ZNF829: variants seen among roughly 807,000 people sequenced by gnomAD.
The protein encoded by ZNF829 is zinc finger protein 829.
Under a neutral mutation model 35.2 loss-of-function variants are expected in ZNF829, and 25 were observed. The ratio of observed to expected loss-of-function variants is 0.71; its 90% confidence interval spans 0.52 to 0.99. ZNF829 has a LOEUF of 0.99. ZNF829 is among the 50% of genes least tolerant of loss of function. The probability of loss-of-function intolerance (pLI) is 0.00; values close to 1 mark genes in which losing one functional copy is unlikely to be tolerated. For missense variants in ZNF829, 417 were observed against 515.3 expected (o/e 0.81, Z 1.85); for synonymous variants, 136 against 163.2 (o/e 0.83, Z 1.27).
intron 5 of ZNF829, among the ~76,000 whole-genome samples, chr19:36,904,550 C>A (rs112772495): frequency 0.014 from 2,088 of 152,234 alleles, 15 homozygotes; most frequent in African/African-American, 0.025. Flanking sequence ...CGGGCGCCTG[C>A]CACTATGCCC....
At chr19:36,911,056 G>T (rs563972421) in intron 3 of ZNF829, among the ~76,000 whole-genome samples, 1 of 152,184 alleles carries the variant, frequency 6.6e-6, no homozygotes, top group Non-Finnish European at 1.5e-5. Flanking sequence ...ATCATCATAA[G>T]TATAGTGCTT....
Position 36,907,914 on chromosome 19 carries a change from T to A in ZNF829, c.319+15A>T. On this transcript the variant is annotated intron_variant, in intron 5 of 5. Transcript: ENST00000391711. ...TCTTTATAGCCCTGCTCCTGAGCCA[T>A]CATCTCTTACTTACCTGAACACAGG... The A allele has an allele frequency of 6.2e-7, 1 of 1,607,888 alleles. No individual in the cohort carries two copies. The highest frequency in any genetic ancestry group is 8.5e-7 in the Non-Finnish European group (1 of 1,174,768).
At position 36,891,411 on chromosome 19, in the gene ZNF829, TA is replaced by T. The variant is rs1405474297; in HGVS notation, c.*80del. 10 of 1,369,010 alleles carry T rather than the reference TA, an allele frequency of 7.3e-6. No homozygotes were observed. The highest frequency in any genetic ancestry group is 9.8e-6 in the Non-Finnish European group (10 of 1,023,510). 84.8% of individuals were successfully genotyped at this position (1,369,010 alleles called of 1,614,324 possible). A position where few individuals can be genotyped will look rare whatever the true frequency, so the allele number is the denominator to read the frequency against. On this transcript the variant is annotated 3_prime_UTR_variant, in exon 6 of 6. Coordinates refer to ENST00000391711, the MANE Select transcript of ZNF829 (RefSeq NM_001037232.4). ...GAATACATAGGAGAACCTTTGATAATATGTATCCTAATTTGTTCTCCTTACC... is the reference window on the plus strand; with the variant it reads ...GAATACATAGGAGAACCTTTGATAATTGTATCCTAATTTGTTCTCCTTACC...
At chr19:36,907,817 G>T (rs80172076) in intron 5 of ZNF829, 112 bp downstream of exon 5, 2 of 782,404 alleles carry the variant, frequency 2.6e-6, no homozygotes, top group Non-Finnish European at 4.0e-6. Context: ...AAAAAAAAAA[G>T]TGGGATAGCT....
chr19:36,892,885 C>A, intron 5 of ZNF829: 1 of 1,162,614 alleles, frequency 8.6e-7, no homozygotes, highest in Non-Finnish European at 1.1e-6. Context: ...GGAGCTCCGA[C>A]TGCAAGGCCA....
rs376999920 is a variant in ZNF829, at chr19:36,902,644, C to CAAAATAAAATAAAATAAAATAAAAT, written c.319+5260_319+5284dup. ...TGGGCAACAGAGCCAGACTCTGTCT[C>CAAAATAAAATAAAATAAAATAAAAT]AAAATAAAATAAAATAAAATAAAAT... On this transcript the variant is annotated intron_variant, in intron 5 of 5. Coordinates refer to ENST00000391711, the MANE Select transcript of ZNF829 (RefSeq NM_001037232.4). Among the ~76,000 whole-genome samples the CAAAATAAAATAAAATAAAATAAAAT allele has an allele frequency of 2.4e-3, 350 of 147,490 alleles. 2 individuals carry two copies. Among genetic ancestry groups the CAAAATAAAATAAAATAAAATAAAAT allele is most frequent in the African/African-American group, 8.1e-3 (316 of 38,972 alleles).
intron 5 of ZNF829, among the ~76,000 whole-genome samples, chr19:36,896,266 G>A (rs1200847685): frequency 1.3e-5 from 2 of 149,606 alleles, no homozygotes; most frequent in East Asian, 2.0e-4. Flanking sequence ...AGCCGGGTTC[G>A]CACCACTGCA....
At chr19:36,904,931 A>T (rs1052261060) in intron 5 of ZNF829, among the ~76,000 whole-genome samples, 3 of 152,164 alleles carry the variant, frequency 2.0e-5, no homozygotes, top group African/African-American at 7.2e-5. Context: ...GGCAGCTAAG[A>T]TCAACTGATA....
At chr19:36,895,921 CTT>C (rs2073107547) in intron 5 of ZNF829, among the ~76,000 whole-genome samples, 1 of 152,110 alleles carries the variant, frequency 6.6e-6, no homozygotes, top group Non-Finnish European at 1.5e-5. Context: ...AATCCCAACA[CTT>C]TGGGAGGCCA....
At chr19:36,892,528 T>C (rs1452455895) in intron 5 of ZNF829, 57 bp from the exon 6 acceptor site, 2 of 1,476,230 alleles carry the variant, frequency 1.4e-6, no homozygotes, top group African/African-American at 2.8e-5. Flanking sequence ...TTAAAACTTC[T>C]AAAAAAGAAA....
intron 5 of ZNF829, chr19:36,892,796 A>ATTT: frequency 3.5e-6 from 2 of 567,830 alleles, no homozygotes; most frequent in African/African-American, 3.9e-5. Context: ...AAAAAAAAAA[A>ATTT]TTTTTTTTGC....
Position 36,899,443 on chromosome 19 carries a change from A to G in ZNF829, c.320-6972T>C, listed in dbSNP as rs942068506. Among the ~76,000 whole-genome samples, 9 of 152,152 alleles carry G rather than the reference A, an allele frequency of 5.9e-5. No individual in the cohort carries two copies. The East Asian group carries it at 1.7e-3, about 29-fold the overall frequency. ...CTGGCTGACAGTGAAACTCTCTCAC[A>G]TACACAAAAAATGACACTGGGTACA... On this transcript the variant is annotated intron_variant, in intron 5 of 5. Transcript: ENST00000391711.
rs756736847 is a variant in ZNF829, at chr19:36,891,518, G to A, written c.1273C>T (p.Arg425Cys). 23 of 1,573,388 alleles carry A rather than the reference G, an allele frequency of 1.5e-5. No homozygotes were observed. The highest frequency in any genetic ancestry group is 1.9e-5 in the Non-Finnish European group (22 of 1,163,834). The change falls in exon 6 of 6, where the codon CGC (arginine) becomes TGC (cysteine). Residue 425 changes from arginine to cysteine, a missense_variant. Arg to Cys is a radical substitution (Grantham distance 180). Coordinates refer to ENST00000391711, the MANE Select transcript of ZNF829 (RefSeq NM_001037232.4). ...KAFGSRSDLI[R>C]HEGIHTG is the part of the protein sequence containing the mutation. Reference sequence around the variant, plus strand: ...CAACCAGTATGAATTCCCTCATGGCGAATGAGGTCAGAGCGACTACCAAAA... The same window carrying A: ...CAACCAGTATGAATTCCCTCATGGCAAATGAGGTCAGAGCGACTACCAAAA...
At chr19:36,900,357 TAAA>T (rs112232974) in intron 5 of ZNF829, among the ~76,000 whole-genome samples, 1,896 of 132,384 alleles carry the variant, frequency 0.014, 40 homozygotes, top group African/African-American at 0.049. Context: ...GACTCTGTCT[TAAA>T]AAAAAAAAAA....
intron 5 of ZNF829, among the ~76,000 whole-genome samples, chr19:36,900,847 G>GAAAAAAAAA (rs59848712): frequency 5.6e-5 from 5 of 88,938 alleles, no homozygotes; most frequent in Admixed American, 1.3e-4. Flanking sequence ...GACTGTCTCA[G>GAAAAAAAAA]AAAAAAAAAA....
intron 5 of ZNF829, among the ~76,000 whole-genome samples, chr19:36,904,502 C>T (rs1430511565): frequency 2.6e-5 from 4 of 152,078 alleles, no homozygotes; most frequent in East Asian, 1.9e-4. Flanking sequence ...TGGGTTCAAG[C>T]GATTCTCCTG....
intron 5 of ZNF829, among the ~76,000 whole-genome samples, chr19:36,903,666 G>A (rs1212349389): frequency 1.3e-5 from 2 of 152,106 alleles, no homozygotes; most frequent in African/African-American, 2.4e-5. Flanking sequence ...CAAGGTGGGT[G>A]GAACACCTGA....
intron 5 of ZNF829, among the ~76,000 whole-genome samples, chr19:36,897,205 C>T (rs888709719): frequency 1.2e-4 from 19 of 152,140 alleles, no homozygotes; most frequent in African/African-American, 4.6e-4. Context: ...ATCCATTCTA[C>T]AAGGCCAGCA....
chr19:36,897,000 C>G (rs1568368475), intron 5 of ZNF829, among the ~76,000 whole-genome samples: 1 of 151,988 alleles, frequency 6.6e-6, no homozygotes, highest in Non-Finnish European at 1.5e-5. Flanking sequence ...AAGACTGAAC[C>G]AGGAAGAAAC....
Sources: gnomAD v4.1 joint callset for allele counts (sites outside exome capture counted in the v4.1 genomes callset) on GRCh38, gnomAD v4.1.1 for gene constraint, MANE v1.5 for transcripts, NCBI Gene and HGNC (gene_info 2026-07-23, HGNC 2026-07-21) for gene names.